The following BOD1L1 variants were observed in gnomAD, a reference collection of about 807,000 sequenced individuals.
BOD1L1 encodes biorientation of chromosomes in cell division 1 like 1.
A neutral mutation model predicts 240.7 loss-of-function variants in BOD1L1; 86 were observed. The observed-to-expected ratio is 0.36, with a 90% CI of 0.30 to 0.43. BOD1L1 has a LOEUF of 0.43. Among genes scored for constraint, BOD1L1 ranks in the 20% least tolerant of loss-of-function variants. The pLI, the probability that BOD1L1 is intolerant of heterozygous loss-of-function variation, is 1.00. For missense variants in BOD1L1, 3,554 were observed against 3,643.5 expected (o/e 0.98, Z 0.63); for synonymous variants, 1,268 against 1,272.3 (o/e 1.00, Z 0.07).
intron 25 of BOD1L1, among the ~76,000 whole-genome samples, chr4:13,573,560 G>A (rs1281744049): frequency 6.6e-6 from 1 of 151,764 alleles, no homozygotes; most frequent in Non-Finnish European, 1.5e-5. Context: ...GCCTCGCTCT[G>A]TCACCCAGGC....
chr4:13,577,782 A>G, intron 22 of BOD1L1, 151 bp from the exon 23 acceptor site: 1 of 604,180 alleles, frequency 1.7e-6, no homozygotes, highest in South Asian at 2.2e-5. Flanking sequence ...AGATAGAATC[A>G]GAATACCTAG....
In BOD1L1 at chr4:13,619,940, T is replaced by C. The variant is rs1193479402; in HGVS notation, c.368+3A>G. 2 of 1,612,740 alleles carry C rather than the reference T, an allele frequency of 1.2e-6. No homozygotes were observed. The highest frequency in any genetic ancestry group is 2.2e-5 in the East Asian group (1 of 44,852). On this transcript the variant is annotated splice_donor_region_variant and intron_variant, in intron 2 of 25. Coordinates refer to ENST00000040738, the MANE Select transcript of BOD1L1 (RefSeq NM_148894.3). Reference sequence around the variant, plus strand: ...TGCCCAGAACTCTATCTCTGAGACTTACTTGAGGACTTGTTGTCTAATGTT... The same window carrying C: ...TGCCCAGAACTCTATCTCTGAGACTCACTTGAGGACTTGTTGTCTAATGTT...
chr4:13,592,241 C>T, intron 12 of BOD1L1: 1 of 352,160 alleles, frequency 2.8e-6, no homozygotes, highest in Non-Finnish European at 5.1e-6. Flanking sequence ...GGTGATTTAA[C>T]TATGTTGGTG....
At position 13,620,002 on chromosome 4, in the gene BOD1L1, T is replaced by C. The variant is rs866006876; in HGVS notation, c.309A>G (p.Thr103=). Reference sequence around the variant, plus strand: ...GGTTCTTATTGAGATGCGGACTCCATGTGTGAGTTGCCAAGTGATTTGCAA... The same window carrying C: ...GGTTCTTATTGAGATGCGGACTCCACGTGTGAGTTGCCAAGTGATTTGCAA... ...NFVANHLATH[T]WSPHLNKNQL... is the part of the protein sequence containing the mutation. The change falls in exon 2 of 26, where the codon ACA becomes ACG. Residue 103 remains threonine, a synonymous_variant. Transcript: ENST00000040738. The C allele has an allele frequency of 1.2e-6, 2 of 1,612,230 alleles. No individual in the cohort carries two copies. Among genetic ancestry groups the C allele is most frequent in the Non-Finnish European group, 8.5e-7 (1 of 1,178,996 alleles).
chr4:13,599,785 T>C lies in BOD1L1; in HGVS notation c.7115A>G (p.Lys2372Arg), dbSNP rs576715397. The C allele has an allele frequency of 1.2e-6, 2 of 1,614,054 alleles. No homozygotes were observed. Among genetic ancestry groups the C allele is most frequent in the African/African-American group, 1.3e-5 (1 of 75,064 alleles). Reference sequence around the variant, plus strand: ...AGCAATTAGGCTGGGCATGGGGACCTTGTGCTTGCTCACTTCTGTGGCTGA... The same window carrying C: ...AGCAATTAGGCTGGGCATGGGGACCCTGTGCTTGCTCACTTCTGTGGCTGA... ...DLSATEVSKHKVPMPSLIAEN... is the reference protein window; with the variant it reads ...DLSATEVSKHRVPMPSLIAEN... The change falls in exon 10 of 26, where the codon AAG becomes AGG. Residue 2372 changes from lysine (K) to arginine (R), a missense_variant. By Grantham distance (26) the Lys-to-Arg change is conservative. Around this residue, in one of 2 missense-constraint regions of BOD1L1, gnomAD observed 3,393 missense variants for 3,427.1 expected, o/e 0.99. Coordinates refer to ENST00000040738, the MANE Select transcript of BOD1L1 (RefSeq NM_148894.3).
At position 13,614,908 on chromosome 4, in the gene BOD1L1, T is replaced by C. The variant is rs556414803; in HGVS notation, c.560-98A>G. ...GCCATTGTCATCTTTATATGATGCA[T>C]ATGCTGTGCAGACCATCTGTATATT... is the stretch of plus-strand genomic sequence containing the variant. On this transcript the variant is annotated intron_variant, in intron 3 of 25. Transcript: ENST00000040738. 1.0e-5 allele frequency: 13 copies of C among 1,256,696 alleles called. No homozygotes were observed. The African/African-American group carries it at 1.8e-4, about 18-fold the overall frequency. The allele number at this position is 1,256,696 out of a possible 1,614,324, so 77.8% of individuals were successfully genotyped here.
rs146332136 is a variant in BOD1L1 at position 13,601,323 on chromosome 4, G to A, written c.5577C>T (p.Gly1859=). The stretch of plus-strand genomic sequence containing the variant: ...CCCCTTCCTCGTCTTCCTCTTTTGC[G>A]CCTGTGCTAGTCACAATGCCTTCAT... ...CDDEGIVTST[G]AKEEDEEGED... Residue 1859 remains glycine, a synonymous_variant, in exon 10 of 26, where the codon GGC becomes GGT. Transcript: ENST00000040738. 5.3e-5 allele frequency: 86 copies of A among 1,613,820 alleles called. No individual in the cohort carries two copies. The African/African-American group carries it at 6.0e-4, about 11-fold the overall frequency.
In BOD1L1 at chr4:13,599,220, T is replaced by C. The variant is rs1180261264; in HGVS notation, c.7680A>G (p.Glu2560=). 1 of 1,613,740 alleles carries C rather than the reference T, an allele frequency of 6.2e-7. No homozygotes were observed. Among genetic ancestry groups the C allele is most frequent in the Non-Finnish European group, 8.5e-7 (1 of 1,179,822 alleles). The change falls in exon 10 of 26, where the codon GAA becomes GAG. Residue 2560 remains glutamate (E), a synonymous_variant. Coordinates refer to ENST00000040738, the MANE Select transcript of BOD1L1 (RefSeq NM_148894.3). The stretch of plus-strand genomic sequence containing the variant: ...TGGTGGTACTGGTTTTCAAGTTGTC[T>C]TCAGACCCCTGCTGCTCAGCAGGAA... ...SFLPAEQQGS[E]DNLKTSTTKC...
chr4:13,615,324 G>A lies in BOD1L1; in HGVS notation c.547C>T (p.Leu183Phe), dbSNP rs760785638. The A allele has an allele frequency of 5.6e-6, 9 of 1,610,202 alleles. No individual in the cohort carries two copies. The highest frequency in any genetic ancestry group is 5.5e-5 in the South Asian group (5 of 90,642). ...APDDEKPDTS[L>F]ITQGVPTPGP... ...AAAAGCAAAGCACCTTGTGTAATAAGGGAAGTGTCTGGTTTCTCATCATCG... is the reference window on the plus strand; with the variant it reads ...AAAAGCAAAGCACCTTGTGTAATAAAGGAAGTGTCTGGTTTCTCATCATCG... Residue 183 changes from leucine (L) to phenylalanine (F), a missense_variant, in exon 3 of 26, where the codon CTT becomes TTT. Around this residue, in one of 2 missense-constraint regions of BOD1L1, gnomAD observed 3,393 missense variants for 3,427.1 expected, o/e 0.99. Coordinates refer to ENST00000040738, the MANE Select transcript of BOD1L1 (RefSeq NM_148894.3).
intron 15 of BOD1L1, among the ~76,000 whole-genome samples, 197 bp from the exon 16 acceptor site, chr4:13,587,968 G>A (rs1290933442): frequency 1.3e-5 from 2 of 152,066 alleles, no homozygotes; most frequent in East Asian, 1.9e-4. Flanking sequence ...GGCGGATCAC[G>A]AGGTCAGGAG....
rs186302453 is a variant in BOD1L1, at chr4:13,617,356, T to C, written c.369-1854A>G. 3.3e-5 allele frequency among the ~76,000 whole-genome samples: 5 copies of C among 152,336 alleles called. 1 individual carries two copies. In the East Asian group the frequency reaches 7.7e-4, roughly 24 times the overall value. ...CTCTGTTTGCCTATGTTCCAGCCTCTTGTTTTGCAAACAAACAAAACACTT... is the reference window on the plus strand; with the variant it reads ...CTCTGTTTGCCTATGTTCCAGCCTCCTGTTTTGCAAACAAACAAAACACTT... On this transcript the variant is annotated intron_variant, in intron 2 of 25. Coordinates refer to ENST00000040738, the MANE Select transcript of BOD1L1 (RefSeq NM_148894.3).
At chr4:13,592,781 G>T (rs893072023) in intron 12 of BOD1L1, 4 of 152,146 alleles carry the variant, frequency 2.6e-5, no homozygotes, top group Admixed American at 6.5e-5. Flanking sequence ...ATGGTTTTGT[G>T]TAAGAAGGTC....
In BOD1L1 at chr4:13,599,304, A is replaced by G. The variant is rs1714881388; in HGVS notation, c.7596T>C (p.Gly2532=). Residue 2532 remains glycine (G), a synonymous_variant, in exon 10 of 26, where the codon GGT becomes GGC. Coordinates refer to ENST00000040738, the MANE Select transcript of BOD1L1 (RefSeq NM_148894.3). ...SIRYLAAVNT[G]AIKADDMPPV... ...GTGGCATGTCATCAGCTTTTATAGCACCGGTGTTTACTGCTGCCAAATAGC... is the reference window on the plus strand; with the variant it reads ...GTGGCATGTCATCAGCTTTTATAGCGCCGGTGTTTACTGCTGCCAAATAGC... 2 of 1,613,782 alleles carry G rather than the reference A, an allele frequency of 1.2e-6. No individual in the cohort carries two copies. Among genetic ancestry groups the G allele is most frequent in the East Asian group, 2.2e-5 (1 of 44,878 alleles).
At chr4:13,612,385 G>A (rs1039695059) in intron 5 of BOD1L1, among the ~76,000 whole-genome samples, 11 of 152,102 alleles carry the variant, frequency 7.2e-5, no homozygotes, top group African/African-American at 2.2e-4. Flanking sequence ...CATGTGGTAA[G>A]AGCAACATAA....
intron 2 of BOD1L1, among the ~76,000 whole-genome samples, chr4:13,616,300 A>G (rs1389720432): frequency 2.0e-5 from 3 of 152,240 alleles, no homozygotes; most frequent in Admixed American, 6.5e-5. Context: ...ATAAGAAATT[A>G]TTAGATATGT....
At chr4:13,579,142 A>T (rs1007612533) in intron 22 of BOD1L1, among the ~76,000 whole-genome samples, 1 of 152,210 alleles carries the variant, frequency 6.6e-6, no homozygotes, top group Non-Finnish European at 1.5e-5. Flanking sequence ...AATGTCAACA[A>T]AGAGGACTGT....
chr4:13,579,838 G>C (rs1285277240), intron 22 of BOD1L1, 90 bp downstream of exon 22: 1 of 1,029,692 alleles, frequency 9.7e-7, no homozygotes, highest in Non-Finnish European at 1.4e-6. Flanking sequence ...TTCAATGAGA[G>C]GCAGAATGGA....
Position 13,582,257 on chromosome 4 carries a change from C to T in BOD1L1, c.8572G>A (p.Asp2858Asn). ...CTCACCTCCTGAGATTTTATGGTGT[C>T]ATCATCGTTCTGCTCTGGCTTTTCA... ...TGEKPEQNDDDTIKSQEEDQP... is the reference protein window; with the variant it reads ...TGEKPEQNDDNTIKSQEEDQP... Residue 2858 changes from aspartate to asparagine, a missense_variant, in exon 19 of 26, where the codon GAC (aspartate) becomes AAC (asparagine). By Grantham distance (23) the Asp-to-Asn change is conservative. Transcript: ENST00000040738. 6.2e-7 allele frequency: 1 copy of T among 1,613,342 alleles called. No homozygotes were observed. Among genetic ancestry groups the T allele is most frequent in the Non-Finnish European group, 8.5e-7 (1 of 1,179,556 alleles).
chr4:13,599,067 G>C lies in BOD1L1; in HGVS notation c.7833C>G (p.Gly2611=). 1 of 1,613,922 alleles carries C rather than the reference G, an allele frequency of 6.2e-7. No individual in the cohort carries two copies. The highest frequency in any genetic ancestry group is 8.5e-7 in the Non-Finnish European group (1 of 1,179,888). ...QDLTIKNDYS[G]KWTDQASAEK... is the part of the protein sequence containing the mutation. ...CAGCAGATGCTTGATCAGTCCATTT[G>C]CCACTATAATCATTCTTTATAGTCA... The change falls in exon 10 of 26, where the codon GGC becomes GGG. Residue 2611 remains glycine (G), a synonymous_variant. Coordinates refer to ENST00000040738, the MANE Select transcript of BOD1L1 (RefSeq NM_148894.3).
Sources: gnomAD v4.1 joint callset for allele counts (sites outside exome capture counted in the v4.1 genomes callset) on GRCh38, gnomAD v4.1.1 for gene constraint, gnomAD v4.1.1 regional missense constraint, MANE v1.5 for transcripts, NCBI Gene and HGNC (gene_info 2026-07-23, HGNC 2026-07-21) for gene names.